HERC1: variants seen among roughly 807,000 people sequenced by gnomAD.
HERC1 encodes probable E3 ubiquitin-protein ligase HERC1.
A neutral mutation model predicts 554.3 loss-of-function variants in HERC1; 160 were observed. That is an observed-to-expected ratio of 0.29 (90% CI 0.25 to 0.33). The LOEUF is 0.33. Among genes scored for constraint, HERC1 ranks in the 10% least tolerant of loss-of-function variants. The probability of loss-of-function intolerance (pLI) is 1.00; values close to 1 mark genes in which losing one functional copy is unlikely to be tolerated. For synonymous variants in HERC1, 2,175 were observed against 2,131.7 expected (o/e 1.02, Z -0.56); for missense variants, 4,919 against 5,918.5 (o/e 0.83, Z 5.54).
Position 63,680,526 on chromosome 15 carries a change from G to C in HERC1, c.6465+11C>G. The stretch of plus-strand genomic sequence containing the variant: ...AAGAAAAATGTAATGCTTGTGAATG[G>C]GTGTCGGTACCTCTCCATTTTTCCC... On this transcript the variant is annotated intron_variant, in intron 35 of 77. Transcript: ENST00000443617. The surrounding 1 kb of genome is among the most constrained non-coding windows in gnomAD (Gnocchi z 5.8). 6.2e-7 allele frequency: 1 copy of C among 1,612,324 alleles called. No homozygotes were observed. Among genetic ancestry groups the C allele is most frequent in the Non-Finnish European group, 8.5e-7 (1 of 1,179,088 alleles).
chr15:63,709,828 A>C (rs967693930), intron 24 of HERC1, among the ~76,000 whole-genome samples: 1 of 152,238 alleles, frequency 6.6e-6, no homozygotes, highest in Non-Finnish European at 1.5e-5. Flanking sequence ...ATAATACATA[A>C]ATAAGTCCAA....
At chr15:63,746,698 C>T (rs999644579) in intron 12 of HERC1, among the ~76,000 whole-genome samples, 5 of 152,012 alleles carry the variant, frequency 3.3e-5, no homozygotes, top group African/African-American at 1.2e-4. Flanking sequence ...CAAGAAAAAC[C>T]AAATCTGGTG....
chr15:63,632,895 T>C, intron 67 of HERC1, 84 bp from the exon 68 acceptor site: 3 of 873,122 alleles, frequency 3.4e-6, no homozygotes, highest in Admixed American at 4.9e-5. Flanking sequence ...TATCAAGAAC[T>C]ACCTTCCAAC....
rs2067787863 is a variant in HERC1 at position 63,615,751 on chromosome 15, G to A, written c.14094+17C>T. On this transcript the variant is annotated intron_variant, in intron 76 of 77. Coordinates refer to ENST00000443617, the MANE Select transcript of HERC1 (RefSeq NM_003922.4). ...ACCCAAGCATTCATGTGTACCTCCC[G>A]AGATGTTTCATCTCACCTGTCTGTC... The A allele has an allele frequency of 6.4e-7, 1 of 1,564,218 alleles. No individual in the cohort carries two copies. The highest frequency in any genetic ancestry group is 8.6e-7 in the Non-Finnish European group (1 of 1,159,902).
intron 61 of HERC1, among the ~76,000 whole-genome samples, chr15:63,639,081 CTT>C (rs962805520): frequency 1.4e-4 from 21 of 152,198 alleles, no homozygotes; most frequent in African/African-American, 5.1e-4. Context: ...CCTGTAAACT[CTT>C]TGTGTAGCTG....
chr15:63,768,235 T>C (rs560423588), intron 2 of HERC1, among the ~76,000 whole-genome samples: 104 of 152,340 alleles, frequency 6.8e-4, no homozygotes, highest in Non-Finnish European at 1.0e-3. Context: ...ATTTAGGATG[T>C]TGCTTCTCAA....
At chr15:63,650,650 T>C (rs1011193578) in intron 53 of HERC1, among the ~76,000 whole-genome samples, 6 of 152,162 alleles carry the variant, frequency 3.9e-5, no homozygotes, top group African/African-American at 1.4e-4. Context: ...ACACTGAATG[T>C]ACAAATGTAC....
chr15:63,692,536 A>T lies in HERC1; in HGVS notation c.5705T>A (p.Leu1902His). Residue 1902 changes from leucine (L) to histidine (H), a missense_variant, in exon 31 of 78, where the codon CTC (leucine) becomes CAC (histidine). By Grantham distance (99) the Leu-to-His change is moderately conservative. Coordinates refer to ENST00000443617, the MANE Select transcript of HERC1 (RefSeq NM_003922.4). This position sits in a 1 kb window ranked among gnomAD's most constrained non-coding sequence, Gnocchi z 4.7. ...AALRKQHAAE[L>H]HLGDFLVFLR... ...AAAAACTAAAAAATCCCCTAGATGG[A>T]GTTCGGCTGCATGTTGTTTCCTAAG... 1 of 1,610,640 alleles carries T rather than the reference A, an allele frequency of 6.2e-7. No individual in the cohort carries two copies.
At chr15:63,730,602 T>A (rs868295502) in intron 14 of HERC1, among the ~76,000 whole-genome samples, 2 of 152,368 alleles carry the variant, frequency 1.3e-5, no homozygotes, top group South Asian at 4.1e-4. Context: ...AAATGTAGAC[T>A]ATATATTAAA....
At chr15:63,785,296 C>T (rs1323135295) in intron 1 of HERC1, among the ~76,000 whole-genome samples, 3 of 151,986 alleles carry the variant, frequency 2.0e-5, no homozygotes, top group East Asian at 3.9e-4. Context: ...TGGTGGTACA[C>T]GACTGTGGTC....
intron 52 of HERC1, among the ~76,000 whole-genome samples, chr15:63,651,687 T>C (rs948100158): frequency 1.7e-4 from 26 of 152,200 alleles, no homozygotes; most frequent in African/African-American, 4.8e-4. Flanking sequence ...TTGATTCTTA[T>C]TTGCCTAAAC....
intron 24 of HERC1, among the ~76,000 whole-genome samples, chr15:63,712,456 A>G (rs1289023418): frequency 6.6e-6 from 1 of 152,244 alleles, no homozygotes; most frequent in Non-Finnish European, 1.5e-5. Context: ...AATAGGGAAT[A>G]AAAGAGAAAC....
In HERC1 at chr15:63,733,037, T is replaced by C. The variant is rs767234827; in HGVS notation, c.2755A>G (p.Thr919Ala). Residue 919 changes from threonine to alanine, a missense_variant, in exon 14 of 78, where the codon ACT (threonine) becomes GCT (alanine). Coordinates refer to ENST00000443617, the MANE Select transcript of HERC1 (RefSeq NM_003922.4). ...TGATCTGACAGATTTCCGTAGCCAG[T>C]ACACACAGAAGATAGGTCAGCAGCA... ...SDAADLSSVC[T>A]GYGNLSDQPY... 1.2e-5 allele frequency: 19 copies of C among 1,613,850 alleles called. 1 individual carries two copies. In the South Asian group the frequency reaches 1.4e-4, roughly 12 times the overall value.
intron 31 of HERC1, among the ~76,000 whole-genome samples, chr15:63,691,369 G>A (rs536877149): frequency 6.6e-6 from 1 of 152,178 alleles, no homozygotes; most frequent in South Asian, 2.1e-4. Context: ...GGGAGGCTGA[G>A]ACGGGAGGAT....
In HERC1 at chr15:63,626,093, C is replaced by G. The variant is rs780508835; in HGVS notation, c.13167G>C (p.Leu4389=). The change falls in exon 71 of 78, where the codon CTG becomes CTC. Residue 4389 remains leucine, a synonymous_variant. Coordinates refer to ENST00000443617, the MANE Select transcript of HERC1 (RefSeq NM_003922.4). ...PDTVPPQYGA[L]REVSIHTVRA... is the part of the protein sequence containing the mutation. ...GCACCGTGTGAATGCTGACTTCTCT[C>G]AGCGCCCCATACTGGGGGGGCACTG... The G allele has an allele frequency of 8.7e-6, 14 of 1,613,670 alleles. 1 individual carries two copies. In the South Asian group the frequency reaches 1.5e-4, roughly 18 times the overall value.
In HERC1 at chr15:63,680,549, C is replaced by G. The variant is rs1179703452; in HGVS notation, c.6453G>C (p.Gly2151=). 2 of 1,612,356 alleles carry G rather than the reference C, an allele frequency of 1.2e-6. No individual in the cohort carries two copies. The highest frequency in any genetic ancestry group is 1.7e-6 in the Non-Finnish European group (2 of 1,179,334). The change falls in exon 35 of 78, where the codon GGG becomes GGC. Residue 2151 remains glycine, a synonymous_variant. Transcript: ENST00000443617. This position sits in a 1 kb window ranked among gnomAD's most constrained non-coding sequence, Gnocchi z 5.8. Reference sequence around the variant, plus strand: ...TGGGTGTCGGTACCTCTCCATTTTTCCCAAAAGAAATGGTCCTGGCTTCCA... The same window carrying G: ...TGGGTGTCGGTACCTCTCCATTTTTGCCAAAAGAAATGGTCCTGGCTTCCA... ...LDMEARTISF[G]KNGEEPKLAF... is the part of the protein sequence containing the mutation.
In HERC1 at chr15:63,690,613, G is replaced by T. The variant is rs1424313940; in HGVS notation, c.5865C>A (p.Leu1955=). The T allele has an allele frequency of 2.5e-6, 4 of 1,612,930 alleles. No homozygotes were observed. The African/African-American group carries it at 5.3e-5, about 22-fold the overall frequency. ...CAGCTTCAAGGACATGAAGTGCAAG[G>T]AGCCTTGTTCTTAAGTTACCAACCA... ...IPLVGNLRTR[L]LALHVLEAVL... Residue 1955 remains leucine, a synonymous_variant, in exon 32 of 78, where the codon CTC becomes CTA. Transcript: ENST00000443617.
At chr15:63,825,811 C>G (rs959787624) in intron 1 of HERC1, among the ~76,000 whole-genome samples, 2 of 151,670 alleles carry the variant, frequency 1.3e-5, no homozygotes, top group African/African-American at 4.9e-5. Flanking sequence ...GTCCCCCAGG[C>G]TGAGTATAGC....
intron 12 of HERC1, 97 bp downstream of exon 12, chr15:63,746,821 T>C (rs909318322): frequency 1.3e-5 from 14 of 1,058,098 alleles, no homozygotes; most frequent in Middle Eastern, 2.7e-4. Context: ...CAACATCCAA[T>C]TGAAATTGTC....
Sources: allele counts gnomAD v4.1 joint callset (sites outside exome capture counted in the v4.1 genomes callset), GRCh38; gene constraint gnomAD v4.1.1; non-coding constraint Gnocchi (gnomAD v3.1); transcripts MANE v1.5; gene names NCBI Gene and HGNC (gene_info 2026-07-23, HGNC 2026-07-21).